The following ZFR2 variants were observed in gnomAD, a reference collection of about 807,000 sequenced individuals.
ZFR2 encodes the protein zinc finger RNA-binding protein 2.
A neutral mutation model predicts 105.7 loss-of-function variants in ZFR2; 104 were observed. The observed-to-expected ratio is 0.98, with a 90% confidence interval of 0.84 to 1.16. ZFR2 has a LOEUF of 1.16. Ranked by LOEUF, ZFR2 falls within the 50% of genes most tolerant of loss-of-function variation. ZFR2 has a pLI of 0.00. For synonymous variants in ZFR2, 634 were observed against 597.7 expected (o/e 1.06, Z -0.89); for missense variants, 1,425 against 1,355.5 (o/e 1.05, Z -0.80).
At chr19:3,821,604 CTTTT>C (rs56275505) in intron 9 of ZFR2, 125 bp from the exon 10 acceptor site, 324 of 248,052 alleles carry the variant, frequency 1.3e-3, no homozygotes, top group Middle Eastern at 3.7e-3. Flanking sequence ...CTCCCAAAGC[CTTTT>C]TTTTTTTTTT....
intron 15 of ZFR2, 45 bp downstream of exon 15, chr19:3,811,227 C>G: frequency 6.7e-7 from 1 of 1,497,098 alleles, no homozygotes; most frequent in South Asian, 1.3e-5. Flanking sequence ...AGCTACGTTC[C>G]TCAAAGTCAC....
chr19:3,861,582 C>T (rs1372262504), intron 1 of ZFR2, among the ~76,000 whole-genome samples: 2 of 152,094 alleles, frequency 1.3e-5, no homozygotes, highest in Non-Finnish European at 2.9e-5. Context: ...GTTATGACCA[C>T]ACCACTGTGC....
chr19:3,818,039 C>G (rs911443197), intron 12 of ZFR2, among the ~76,000 whole-genome samples: 1 of 152,236 alleles, frequency 6.6e-6, no homozygotes, highest in Non-Finnish European at 1.5e-5. Context: ...TGGGACAGAG[C>G]TTCTGTTTGG....
rs193109743 is a variant in ZFR2 at position 3,855,639 on chromosome 19, C to T, written c.53+13326G>A. 1,829 of 410,076 alleles carry T rather than the reference C, an allele frequency of 4.5e-3. 77 individuals are homozygous for T. In the Admixed American group the frequency reaches 0.071, roughly 16 times the overall value. 25.4% of individuals were successfully genotyped at this position (410,076 alleles called of 1,614,324 possible). On this transcript the variant is annotated intron_variant, in intron 1 of 18. Transcript: ENST00000262961. ...ATGGTTCTCATGCCGCCGGGAAGGA[C>T]GCGGCAAGGGGGTGTGAGCAGGGGG...
At chr19:3,820,105 G>A in intron 11 of ZFR2, 77 bp downstream of exon 11, 1 of 1,417,074 alleles carries the variant, frequency 7.1e-7, no homozygotes, top group East Asian at 2.5e-5. Flanking sequence ...GGGAGGCCGG[G>A]TCCTCCCGAG....
chr19:3,816,847 T>C lies in ZFR2; in HGVS notation c.1932-2A>G. 1 of 1,555,912 alleles carries C rather than the reference T, an allele frequency of 6.4e-7. No individual in the cohort carries two copies. The highest frequency in any genetic ancestry group is 1.9e-5 in the Admixed American group (1 of 51,290). ...ACCCGAGTCTGGGGGGCAACGCTGC[T>C]GTGGGGACAAAGCCACAGACGTGCG... On this transcript the variant is annotated splice_acceptor_variant, in intron 12 of 18. Transcript: ENST00000262961. LOFTEE classifies it high-confidence loss of function.
intron 1 of ZFR2, among the ~76,000 whole-genome samples, chr19:3,837,992 A>G (rs1188476754): frequency 6.6e-6 from 1 of 151,588 alleles, no homozygotes; most frequent in Non-Finnish European, 1.5e-5. Context: ...ACTGTAACAC[A>G]CGATGAATGT....
chr19:3,808,986 G>A lies in ZFR2; in HGVS notation c.2434-3C>T. On this transcript the variant is annotated splice_polypyrimidine_tract_variant and splice_region_variant and intron_variant, in intron 16 of 18. Transcript: ENST00000262961. ...TTCTCCACCAGCAGCTCCATGGCCTGGTGGGGACAGAAGAGCAGTTGCTGT... is the reference window on the plus strand; with the variant it reads ...TTCTCCACCAGCAGCTCCATGGCCTAGTGGGGACAGAAGAGCAGTTGCTGT... 1 of 1,545,124 alleles carries A rather than the reference G, an allele frequency of 6.5e-7. No individual in the cohort carries two copies. The highest frequency in any genetic ancestry group is 8.7e-7 in the Non-Finnish European group (1 of 1,148,038).
At chr19:3,855,312 A>G in intron 1 of ZFR2, 1 of 1,168,792 alleles carries the variant, frequency 8.6e-7, no homozygotes, top group South Asian at 4.4e-5. Flanking sequence ...GCTGAAAAAA[A>G]AAGTCATTAG....
intron 1 of ZFR2, among the ~76,000 whole-genome samples, chr19:3,863,091 G>A (rs1027960005): frequency 6.6e-5 from 10 of 152,224 alleles, no homozygotes; most frequent in African/African-American, 2.4e-4. Context: ...CTCAAAGGAC[G>A]GGGTTGGCCT....
intron 1 of ZFR2, among the ~76,000 whole-genome samples, chr19:3,854,652 A>G (rs1269761148): frequency 6.6e-6 from 1 of 152,248 alleles, no homozygotes; most frequent in Admixed American, 6.5e-5. Context: ...GATGTAGAGC[A>G]TGTGCCCGTA....
intron 1 of ZFR2, among the ~76,000 whole-genome samples, chr19:3,843,188 G>C (rs901783605): frequency 2.0e-5 from 3 of 152,216 alleles, no homozygotes; most frequent in Non-Finnish European, 2.9e-5. Flanking sequence ...GTGGATAAAT[G>C]GGCTGGGCGC....
chr19:3,819,095 T>C lies in ZFR2; in HGVS notation c.1881A>G (p.Thr627=), dbSNP rs2301838. The C allele has an allele frequency of 1.0e-3, 1,685 of 1,612,402 alleles. 20 individuals carry two copies. In the East Asian group the frequency reaches 0.025, roughly 24 times the overall value. The change falls in exon 12 of 19, where the codon ACA becomes ACG. Residue 627 remains threonine, a synonymous_variant. Transcript: ENST00000262961. The stretch of plus-strand genomic sequence containing the variant: ...GGCGGCCCCGGTCCTCCTCGGCCAG[T>C]GTGTCGGACACCAGCTTGAGGGCCC... ...AERALKLVSD[T]LAEEDRGRRE... is the part of the protein sequence containing the mutation.
intron 15 of ZFR2, 78 bp downstream of exon 15, chr19:3,811,194 G>T (rs1042004208): frequency 5.1e-6 from 7 of 1,381,846 alleles, no homozygotes; most frequent in Non-Finnish European, 6.7e-6. Context: ...AGGCGGCCGC[G>T]CCGGGTTGAC....
intron 1 of ZFR2, among the ~76,000 whole-genome samples, chr19:3,850,267 G>A (rs1198347706): frequency 6.6e-6 from 1 of 152,142 alleles, no homozygotes; most frequent in Non-Finnish European, 1.5e-5. Context: ...GCTGAGAGGA[G>A]CGTGGGAGAA....
rs549757289 is a variant in ZFR2, at chr19:3,821,717, G to A, written c.1492-238C>T. On this transcript the variant is annotated intron_variant, in intron 9 of 18. Coordinates refer to ENST00000262961, the MANE Select transcript of ZFR2 (RefSeq NM_015174.2). ...CAACCTCCGCCTCCCGGGTTCAAGC[G>A]ATTCTCCTGCCTCAGCCTCCCGAGT... Among the ~76,000 whole-genome samples the A allele has an allele frequency of 4.1e-3, 599 of 147,378 alleles. 2 individuals carry two copies. The highest frequency in any genetic ancestry group is 6.0e-3 in the Non-Finnish European group (406 of 67,284).
chr19:3,840,245 CTTT>C (rs35809815), intron 1 of ZFR2, among the ~76,000 whole-genome samples: 1 of 145,040 alleles, frequency 6.9e-6, no homozygotes. Flanking sequence ...GCTTGTTTTA[CTTT>C]TTTTTTTTTG....
rs990968559 is a variant in ZFR2 at position 3,813,082 on chromosome 19, AAAAC to A, written c.2242+734_2242+737del. 6.6e-5 allele frequency among the ~76,000 whole-genome samples: 10 copies of A among 152,198 alleles called. No individual in the cohort carries two copies. In the South Asian group the frequency reaches 8.3e-4, roughly 13 times the overall value. On this transcript the variant is annotated intron_variant, in intron 14 of 18. Coordinates refer to ENST00000262961, the MANE Select transcript of ZFR2 (RefSeq NM_015174.2). The surrounding 1 kb of genome is among the most constrained non-coding windows in gnomAD (Gnocchi z 4.4). ...GCAACAGAGCGAGACTCTGTCTCAA[AAAAC>A]AAACAAACAAAAAATACCAAATCGA...
At position 3,831,342 on chromosome 19, in the gene ZFR2, G is replaced by A. The variant is rs2038012415; in HGVS notation, c.813C>T (p.His271=). Residue 271 remains histidine (H), a synonymous_variant, in exon 5 of 19, where the codon CAC becomes CAT. Coordinates refer to ENST00000262961, the MANE Select transcript of ZFR2 (RefSeq NM_015174.2). ...AGCTGATCTTGCAGATGTCGCAGTA[G>A]TGAAGCTGGAGCTGCCTGGGCCCCG... is the stretch of plus-strand genomic sequence containing the variant. ...PKAGPRQLQL[H]YCDICKISCA... is the part of the protein sequence containing the mutation. 1.3e-6 allele frequency: 2 copies of A among 1,558,268 alleles called. No homozygotes were observed. The highest frequency in any genetic ancestry group is 1.7e-6 in the Non-Finnish European group (2 of 1,153,378).
Sources: allele counts gnomAD v4.1 joint callset (sites outside exome capture counted in the v4.1 genomes callset), GRCh38; gene constraint gnomAD v4.1.1; non-coding constraint Gnocchi (gnomAD v3.1); transcripts MANE v1.5; gene names NCBI Gene and HGNC (gene_info 2026-07-23, HGNC 2026-07-21).